The following XKR4 variants were observed in gnomAD, a reference collection of about 807,000 sequenced individuals.
The protein encoded by XKR4 is XK-related protein 4.
A neutral mutation model predicts 53.9 loss-of-function variants in XKR4; 12 were observed. That is an observed-to-expected ratio of 0.22 (90% CI 0.14 to 0.36). XKR4 has a LOEUF of 0.36. Ranked by LOEUF, XKR4 falls within the 10% of genes least tolerant of loss-of-function variation. The pLI, the probability that XKR4 is intolerant of heterozygous loss-of-function variation, is 1.00. For synonymous variants in XKR4, 354 were observed against 362.4 expected (o/e 0.98, Z 0.26); for missense variants, 799 against 859.5 (o/e 0.93, Z 0.88).
chr8:55,217,815 A>T (rs1817827230), intron 1 of XKR4, among the ~76,000 whole-genome samples: 1 of 152,332 alleles, frequency 6.6e-6, no homozygotes, highest in African/African-American at 2.4e-5. Context: ...TTCTCAGAAG[A>T]CTGCTTTGCA....
chr8:55,373,553 G>A (rs1398746985), intron 2 of XKR4, among the ~76,000 whole-genome samples: 1 of 152,222 alleles, frequency 6.6e-6, no homozygotes, highest in African/African-American at 2.4e-5. Flanking sequence ...CCCTACACTA[G>A]GGTTGAAAAG....
intron 2 of XKR4, among the ~76,000 whole-genome samples, chr8:55,394,915 G>A (rs1585553912): frequency 6.6e-6 from 1 of 152,248 alleles, no homozygotes; most frequent in Admixed American, 6.5e-5. Flanking sequence ...GCATTGAAAT[G>A]CCATCCAAAA....
chr8:55,486,761 T>A (rs543338674), intron 2 of XKR4, among the ~76,000 whole-genome samples: 1 of 152,336 alleles, frequency 6.6e-6, no homozygotes, highest in Non-Finnish European at 1.5e-5. Flanking sequence ...ATTAAGCAAT[T>A]TTCCACCTTC....
intron 1 of XKR4, among the ~76,000 whole-genome samples, chr8:55,347,204 C>T (rs951931428): frequency 1.3e-5 from 2 of 152,214 alleles, no homozygotes; most frequent in African/African-American, 4.8e-5. Context: ...TATTATGTTT[C>T]AGTCTGAACT....
chr8:55,379,828 G>A (rs770883582), intron 2 of XKR4, among the ~76,000 whole-genome samples: 3 of 152,192 alleles, frequency 2.0e-5, no homozygotes, highest in Non-Finnish European at 4.4e-5. Flanking sequence ...AGAGGCTGTG[G>A]GAGAACCGAC....
rs556505363 is a variant in XKR4, at chr8:55,541,729, A to G, written c.*17502A>G. 2.6e-5 allele frequency: 4 copies of G among 152,140 alleles called. No individual in the cohort carries two copies. Among genetic ancestry groups the G allele is most frequent in the Non-Finnish European group, 5.9e-5 (4 of 68,006 alleles). The allele number at this position is 152,140 out of a possible 1,614,324, so 9.4% of individuals were successfully genotyped here. ...AATTTTATTTGAAATGGAGACTTAA[A>G]CTAGTTATTAAATTTGTTTCCTTCC... On this transcript the variant is annotated 3_prime_UTR_variant, in exon 3 of 3. Coordinates refer to ENST00000327381, the MANE Select transcript of XKR4 (RefSeq NM_052898.2).
At chr8:55,147,678 T>C (rs1000055463) in intron 1 of XKR4, among the ~76,000 whole-genome samples, 1 of 152,076 alleles carries the variant, frequency 6.6e-6, no homozygotes, top group Non-Finnish European at 1.5e-5. Flanking sequence ...GCATCGAGAT[T>C]TGGGGAGAAT....
intron 1 of XKR4, among the ~76,000 whole-genome samples, chr8:55,145,247 T>G (rs1816756995): frequency 6.6e-6 from 1 of 152,158 alleles, no homozygotes; most frequent in Non-Finnish European, 1.5e-5. Flanking sequence ...TTTAAACATT[T>G]TAATCCACTC....
intron 2 of XKR4, among the ~76,000 whole-genome samples, chr8:55,440,605 A>C (rs894423787): frequency 6.6e-6 from 1 of 152,178 alleles, no homozygotes; most frequent in Non-Finnish European, 1.5e-5. Context: ...AGCAGCAAAA[A>C]AAAATGGAAT....
At chr8:55,306,803 T>C (rs1329019421) in intron 1 of XKR4, among the ~76,000 whole-genome samples, 1 of 152,108 alleles carries the variant, frequency 6.6e-6, no homozygotes, top group African/African-American at 2.4e-5. Context: ...TTGGCAAAGG[T>C]ACAAAGGCAA....
intron 2 of XKR4, among the ~76,000 whole-genome samples, chr8:55,514,413 T>C (rs1018120803): frequency 8.5e-5 from 13 of 152,098 alleles, no homozygotes; most frequent in Non-Finnish European, 1.5e-4. Context: ...TGTGCCATCA[T>C]GCCAGGCTAA....
At chr8:55,242,077 T>C (rs1244630253) in intron 1 of XKR4, among the ~76,000 whole-genome samples, 1 of 152,246 alleles carries the variant, frequency 6.6e-6, no homozygotes, top group African/African-American at 2.4e-5. Flanking sequence ...CAGAAGATTT[T>C]ACCTATGAAT....
chr8:55,159,613 A>G (rs1399137145), intron 1 of XKR4, among the ~76,000 whole-genome samples: 2 of 152,218 alleles, frequency 1.3e-5, no homozygotes, highest in African/African-American at 4.8e-5. Flanking sequence ...AGTAAGTGAG[A>G]ACATGGGATG....
At chr8:55,475,009 A>T (rs1258336397) in intron 2 of XKR4, among the ~76,000 whole-genome samples, 6 of 152,164 alleles carry the variant, frequency 3.9e-5, no homozygotes, top group African/African-American at 1.4e-4. Flanking sequence ...ATCCTGTTGG[A>T]GAGACAAAAT....
chr8:55,270,387 T>G (rs1451243719), intron 1 of XKR4, among the ~76,000 whole-genome samples: 3 of 152,146 alleles, frequency 2.0e-5, no homozygotes, highest in African/African-American at 4.8e-5. Context: ...TCTCAAATGC[T>G]TCCAGTCTTG....
chr8:55,463,568 A>G (rs1471124688), intron 2 of XKR4, among the ~76,000 whole-genome samples: 4 of 152,114 alleles, frequency 2.6e-5, no homozygotes, highest in African/African-American at 9.7e-5. Flanking sequence ...TAAAAGAACT[A>G]GAGAAGCAAG....
intron 1 of XKR4, among the ~76,000 whole-genome samples, chr8:55,237,241 G>A (rs558208662): frequency 1.0e-3 from 159 of 152,292 alleles, no homozygotes; most frequent in African/African-American, 3.6e-3. Context: ...AGGGTTAGGG[G>A]CATCAACCCC....
chr8:55,342,768 A>T (rs764641414), intron 1 of XKR4, among the ~76,000 whole-genome samples: 9 of 152,204 alleles, frequency 5.9e-5, no homozygotes, highest in Non-Finnish European at 1.2e-4. Flanking sequence ...TGAACTTGCA[A>T]GCCCCGTGAA....
At chr8:55,473,000 C>G (rs1044768135) in intron 2 of XKR4, among the ~76,000 whole-genome samples, 4 of 152,038 alleles carry the variant, frequency 2.6e-5, no homozygotes, top group African/African-American at 9.7e-5. Flanking sequence ...AATACGATTA[C>G]CCCACCCACT....
Sources: allele counts gnomAD v4.1 joint callset (sites outside exome capture counted in the v4.1 genomes callset), GRCh38; gene constraint gnomAD v4.1.1; transcripts MANE v1.5; gene names NCBI Gene and HGNC (gene_info 2026-07-23, HGNC 2026-07-21).